RGS6: variants seen among roughly 807,000 people sequenced by gnomAD.
RGS6 encodes regulator of G-protein signaling 6.
A neutral mutation model predicts 78.5 loss-of-function variants in RGS6; 30 were observed. That is an observed-to-expected ratio of 0.38 (90% confidence interval 0.29 to 0.52). The LOEUF is 0.52. Among genes scored for constraint, RGS6 ranks in the 20% least tolerant of loss-of-function variants. The probability of loss-of-function intolerance (pLI) is 0.85; values close to 1 mark genes in which losing one functional copy is unlikely to be tolerated. For synonymous variants in RGS6, 206 were observed against 206.0 expected, an observed-to-expected ratio of 1.00 and a Z score of 0.00; for missense variants, 495 against 609.7, an observed-to-expected ratio of 0.81 and a Z score of 1.98.
At chr14:72,332,165 G>C (rs777898735) in intron 2 of RGS6, among the ~76,000 whole-genome samples, 2 of 152,166 alleles carry the variant, frequency 1.3e-5, no homozygotes, top group African/African-American at 4.8e-5. Flanking sequence ...TGACAGACAC[G>C]GTGGGCTGCT....
intron 6 of RGS6, among the ~76,000 whole-genome samples, chr14:72,460,651 G>A (rs1269588402): frequency 6.6e-6 from 1 of 152,206 alleles, no homozygotes; most frequent in Non-Finnish European, 1.5e-5. Flanking sequence ...CCCTTTGCAT[G>A]CATCCTTGCT....
At chr14:71,932,300 G>T (rs981694170), upstream of RGS6, 2 of 151,606 alleles carry the variant, frequency 1.3e-5, no homozygotes, top group African/African-American at 4.8e-5. Context: ...GCCCCTCCCT[G>T]CAGCACGCGG....
At chr14:72,040,056 C>A (rs531718931) in intron 2 of RGS6, among the ~76,000 whole-genome samples, 53 of 152,128 alleles carry the variant, frequency 3.5e-4, no homozygotes, top group African/African-American at 1.2e-3. Context: ...TCCAATCAAG[C>A]TTTCAAACTA....
At chr14:72,418,026 T>C (rs2093947510) in intron 3 of RGS6, among the ~76,000 whole-genome samples, 1 of 152,052 alleles carries the variant, frequency 6.6e-6, no homozygotes, top group Non-Finnish European at 1.5e-5. Context: ...TTTCCATCAT[T>C]CTCCCACCTT....
In RGS6 at chr14:72,456,672, G is replaced by A. The variant is rs115978766; in HGVS notation, c.236-1599G>A. Among the ~76,000 whole-genome samples the A allele has an allele frequency of 4.3e-3, 659 of 152,316 alleles. 5 individuals are homozygous for A. The highest frequency in any genetic ancestry group is 0.015 in the African/African-American group (621 of 41,566). ...GTCTTAGCTCCAAGACTGGTGGCATGAAAGTCACCTTCCTACAGGATTTTG... is the reference window on the plus strand; with the variant it reads ...GTCTTAGCTCCAAGACTGGTGGCATAAAAGTCACCTTCCTACAGGATTTTG... On this transcript the variant is annotated intron_variant, in intron 4 of 17. Coordinates refer to ENST00000553525, the MANE Select transcript of RGS6 (RefSeq NM_001204424.2).
At chr14:72,473,014 A>T in intron 9 of RGS6, 61 bp downstream of exon 9, 14 of 1,259,258 alleles carry the variant, frequency 1.1e-5, no homozygotes, top group Non-Finnish European at 1.5e-5. Context: ...TTTTATCTCT[A>T]TAAAGAAAAG....
intron 3 of RGS6, among the ~76,000 whole-genome samples, chr14:72,379,061 C>T (rs1819884429): frequency 6.6e-6 from 1 of 151,968 alleles, no homozygotes; most frequent in Admixed American, 6.6e-5. Context: ...ACATCACATC[C>T]ATAGAATGAA....
intron 3 of RGS6, among the ~76,000 whole-genome samples, chr14:72,380,002 A>G (rs946148482): frequency 6.6e-6 from 1 of 152,096 alleles, no homozygotes; most frequent in African/African-American, 2.4e-5. Flanking sequence ...AGAACCCAGA[A>G]ATTAATCCAC....
chr14:72,446,253 A>G (rs11628490), intron 3 of RGS6, among the ~76,000 whole-genome samples: 94,074 of 152,032 alleles, frequency 0.62, 29,908 homozygotes, highest in East Asian at 0.82. Context: ...CCAGAACCAT[A>G]GACAATAAAT....
chr14:72,356,446 A>T (rs568719578), intron 3 of RGS6, among the ~76,000 whole-genome samples: 2 of 152,238 alleles, frequency 1.3e-5, no homozygotes, highest in South Asian at 4.2e-4. Flanking sequence ...TTCCTTTATA[A>T]ATTACCCAGT....
intron 2 of RGS6, among the ~76,000 whole-genome samples, chr14:71,974,861 G>A (rs2094020170): frequency 6.6e-6 from 1 of 152,178 alleles, no homozygotes. Context: ...ATATCTTTGG[G>A]CCAGGCACGT....
intron 2 of RGS6, among the ~76,000 whole-genome samples, chr14:71,971,931 T>TAA (rs2093833761): frequency 1.2e-5 from 1 of 86,104 alleles, no homozygotes; most frequent in Admixed American, 1.2e-4. Flanking sequence ...TTTTTTTTTT[T>TAA]TTTATCAGAG....
intron 2 of RGS6, among the ~76,000 whole-genome samples, chr14:72,176,310 G>T (rs567824965): frequency 2.0e-5 from 3 of 152,188 alleles, no homozygotes; most frequent in Non-Finnish European, 4.4e-5. Context: ...ATGACATGGG[G>T]CATACTTCCC....
chr14:72,108,361 T>C lies in RGS6; in HGVS notation c.84+143486T>C, dbSNP rs535038624. On this transcript the variant is annotated intron_variant, in intron 2 of 17. Coordinates refer to ENST00000553525, the MANE Select transcript of RGS6 (RefSeq NM_001204424.2). The stretch of plus-strand genomic sequence containing the variant: ...GCAAGAAGCCCATAGAGATTTTTTT[T>C]CTTTAAAGTCTTGTCATTTTACTAG... 2.6e-5 allele frequency among the ~76,000 whole-genome samples: 4 copies of C among 152,200 alleles called. No individual in the cohort carries two copies. The South Asian group carries it at 8.3e-4, about 31-fold the overall frequency.
the RGS6 span, among the ~76,000 whole-genome samples, chr14:71,874,930 T>G: frequency 6.6e-6 from 1 of 152,240 alleles, no homozygotes; most frequent in Non-Finnish European, 1.5e-5. Flanking sequence ...GTTCTGTTTA[T>G]CTGATGGATT....
chr14:72,232,094 T>C (rs1260423016), intron 2 of RGS6, among the ~76,000 whole-genome samples: 1 of 152,106 alleles, frequency 6.6e-6, no homozygotes, highest in Admixed American at 6.5e-5. Context: ...GCAAGAAGAA[T>C]TTGTGGTCTG....
chr14:72,473,637 AGTTAT>A lies in RGS6; in HGVS notation c.618+688_618+692del, dbSNP rs558642563. Among the ~76,000 whole-genome samples the A allele has an allele frequency of 4.0e-3, 611 of 152,288 alleles. 4 individuals are homozygous for A. Among genetic ancestry groups the A allele is most frequent in the Admixed American group, 7.8e-3 (119 of 15,294 alleles). On this transcript the variant is annotated intron_variant, in intron 9 of 17. Coordinates refer to ENST00000553525, the MANE Select transcript of RGS6 (RefSeq NM_001204424.2). ...ACGGTTAATTCTTGTTATCCATGGC[AGTTAT>A]GTTCTATAAAGTCTTTGCAAACACT... is the stretch of plus-strand genomic sequence containing the variant.
At chr14:72,518,606 C>T in intron 15 of RGS6, 69 bp downstream of exon 15, 5 of 1,441,928 alleles carry the variant, frequency 3.5e-6, no homozygotes, top group Non-Finnish European at 4.8e-6. Context: ...GACCTATTAA[C>T]ACAAGTTCAA....
At chr14:72,235,718 G>T (rs942719146) in intron 2 of RGS6, among the ~76,000 whole-genome samples, 2 of 152,182 alleles carry the variant, frequency 1.3e-5, no homozygotes, top group Non-Finnish European at 2.9e-5. Context: ...GTCCAACAAT[G>T]TGCTAGTTGA....
Sources: allele counts gnomAD v4.1 joint callset (sites outside exome capture counted in the v4.1 genomes callset), GRCh38; gene constraint gnomAD v4.1.1; transcripts MANE v1.5; gene names NCBI Gene and HGNC (gene_info 2026-07-23, HGNC 2026-07-21).